FOXP1: variants seen among roughly 807,000 people sequenced by gnomAD.
The protein encoded by FOXP1 is forkhead box protein P1.
FOXP1 carries 15 observed loss-of-function variants against 98.2 expected under a neutral mutation model. The ratio of observed to expected loss-of-function variants is 0.15; its 90% CI spans 0.10 to 0.24. FOXP1 has a LOEUF of 0.24. FOXP1 is among the 10% of genes least tolerant of loss of function. The pLI, the probability that FOXP1 is intolerant of heterozygous loss-of-function variation, is 1.00. For synonymous variants in FOXP1, 371 were observed against 314.5 expected (o/e 1.18, Z -1.90); for missense variants, 633 against 848.5 (o/e 0.75, Z 3.15).
At chr3:71,333,274 G>C (rs1453833293) in intron 4 of FOXP1, 1 of 152,128 alleles carries the variant, frequency 6.6e-6, no homozygotes, top group African/African-American at 2.4e-5. Context: ...CCAAAAGAGA[G>C]AGAGCTCTAA....
chr3:71,192,607 G>A (rs1009585211), intron 6 of FOXP1, among the ~76,000 whole-genome samples: 1 of 152,318 alleles, frequency 6.6e-6, no homozygotes, highest in Admixed American at 6.5e-5. Context: ...GATGGATTTT[G>A]CCATTTTGAA....
At chr3:71,157,110 T>G (rs1239367981) in intron 6 of FOXP1, among the ~76,000 whole-genome samples, 1 of 152,200 alleles carries the variant, frequency 6.6e-6, no homozygotes, top group Non-Finnish European at 1.5e-5. Context: ...TCAGGTTAAT[T>G]AAATCAAGTG....
intron 5 of FOXP1, among the ~76,000 whole-genome samples, chr3:71,289,018 TC>T (rs2072469841): frequency 9.4e-6 from 1 of 105,934 alleles, no homozygotes; most frequent in African/African-American, 3.2e-5. Flanking sequence ...ACAACTCTCT[TC>T]TTATTTATTT....
intron 4 of FOXP1, among the ~76,000 whole-genome samples, chr3:71,320,783 C>A (rs62247704): frequency 2.6e-5 from 4 of 152,188 alleles, no homozygotes; most frequent in Non-Finnish European, 5.9e-5. Context: ...ATAAAATCAG[C>A]TCTTCTCCAT....
intron 3 of FOXP1, among the ~76,000 whole-genome samples, chr3:71,401,778 A>C (rs1173417018): frequency 6.6e-6 from 1 of 152,220 alleles, no homozygotes; most frequent in African/African-American, 2.4e-5. Flanking sequence ...CTCCCCATTC[A>C]ATCAATGAAG....
intron 12 of FOXP1, among the ~76,000 whole-genome samples, chr3:71,008,729 G>A (rs1360672088): frequency 1.3e-5 from 2 of 152,084 alleles, no homozygotes; most frequent in Non-Finnish European, 2.9e-5. Flanking sequence ...TATTTGTACA[G>A]TATTTATCTT....
At chr3:71,032,958 G>A (rs1010600911) in intron 11 of FOXP1, among the ~76,000 whole-genome samples, 3 of 152,144 alleles carry the variant, frequency 2.0e-5, no homozygotes, top group Non-Finnish European at 4.4e-5. Context: ...AATTTAAGTG[G>A]TGAAGGTGTG....
At chr3:70,972,343 A>C in intron 18 of FOXP1, 2 of 873,732 alleles carry the variant, frequency 2.3e-6, no homozygotes, top group Non-Finnish European at 3.6e-6. Context: ...CCTAAAAGCT[A>C]CTAGCATGTG....
chr3:71,254,357 C>T (rs1241046215), intron 5 of FOXP1, among the ~76,000 whole-genome samples: 2 of 152,094 alleles, frequency 1.3e-5, no homozygotes, highest in Non-Finnish European at 2.9e-5. Flanking sequence ...AATAAATAAC[C>T]TATTAAGAGT....
chr3:71,328,989 A>AAAAAAAAAG lies in FOXP1; in HGVS notation c.-72-29110_-72-29109insCTTTTTTTT, dbSNP rs769148999. ...TCCATCTCGCTAAAAAAAAAAAAAA[A>AAAAAAAAAG]CAAAAAAAAAAAAACTGACAGTTTC... On this transcript the variant is annotated intron_variant, in intron 4 of 20. Coordinates refer to ENST00000649528, the MANE Select transcript of FOXP1 (RefSeq NM_001349338.3). 5.6e-5 allele frequency among the ~76,000 whole-genome samples: 2 copies of AAAAAAAAAG among 35,746 alleles called. 1 individual carries two copies. Among genetic ancestry groups the AAAAAAAAAG allele is most frequent in the African/African-American group, 9.5e-5 (2 of 20,970 alleles). The allele number at this position is 35,746 out of a possible 152,430, so 23.5% of individuals were successfully genotyped here.
chr3:71,582,451 G>A (rs1158105822), intron 1 of FOXP1: 2 of 985,252 alleles, frequency 2.0e-6, no homozygotes, highest in Admixed American at 6.1e-5. Context: ...CGTCTCGGCG[G>A]GACAGGAATA....
At chr3:71,152,999 C>T (rs2060646774) in intron 6 of FOXP1, among the ~76,000 whole-genome samples, 1 of 152,210 alleles carries the variant, frequency 6.6e-6, no homozygotes, top group Non-Finnish European at 1.5e-5. Context: ...GGCAGGCACT[C>T]CCAAGTCACC....
At chr3:71,054,233 C>T (rs192173403) in intron 7 of FOXP1, among the ~76,000 whole-genome samples, 4 of 152,326 alleles carry the variant, frequency 2.6e-5, no homozygotes, top group Admixed American at 1.3e-4. Context: ...CCAATCAATG[C>T]TTATACTTGC....
chr3:71,084,683 G>A (rs1239991063), intron 7 of FOXP1, among the ~76,000 whole-genome samples: 1 of 152,148 alleles, frequency 6.6e-6, no homozygotes, highest in Non-Finnish European at 1.5e-5. Context: ...CCCTTGCATA[G>A]TTAACACTAT....
chr3:71,406,405 G>GTGTATATATATATATATATA lies in FOXP1; in HGVS notation c.-167-47162_-167-47161insTATATATATATATATATACA, dbSNP rs1347753258. On this transcript the variant is annotated intron_variant, in intron 3 of 20. Coordinates refer to ENST00000649528, the MANE Select transcript of FOXP1 (RefSeq NM_001349338.3). ...TAATTGACACATAATAACTGTATGT[G>GTGTATATATATATATATATA]TATATATATATATATATATGGTACA... Among the ~76,000 whole-genome samples, 20 of 106,000 alleles carry GTGTATATATATATATATATA rather than the reference G, an allele frequency of 1.9e-4. 1 individual carries two copies. Among genetic ancestry groups the GTGTATATATATATATATATA allele is most frequent in the South Asian group, 1.6e-3 (6 of 3,712 alleles). The allele number at this position is 106,000 out of a possible 152,430, so 69.5% of individuals were successfully genotyped here. A position where few individuals can be genotyped will look rare whatever the true frequency, so the allele number is the denominator to read the frequency against.
intron 2 of FOXP1, among the ~76,000 whole-genome samples, chr3:71,527,730 G>A (rs982216611): frequency 6.6e-6 from 1 of 152,058 alleles, no homozygotes; most frequent in African/African-American, 2.4e-5. Context: ...AAAAAACAAA[G>A]AGAAAAAAAA....
intron 6 of FOXP1, among the ~76,000 whole-genome samples, chr3:71,185,767 C>G (rs1185335946): frequency 1.3e-5 from 2 of 152,212 alleles, no homozygotes; most frequent in African/African-American, 4.8e-5. Flanking sequence ...TTTAAAATCT[C>G]TAAGTCAGAA....
chr3:71,375,820 C>T (rs1290619518), intron 3 of FOXP1, among the ~76,000 whole-genome samples: 1 of 152,156 alleles, frequency 6.6e-6, no homozygotes. Flanking sequence ...TAGAAGGAAA[C>T]GGACTTGGTA....
chr3:71,211,483 G>C (rs927104648), intron 5 of FOXP1, among the ~76,000 whole-genome samples: 1 of 152,104 alleles, frequency 6.6e-6, no homozygotes, highest in Admixed American at 6.5e-5. Flanking sequence ...TGGAATTACA[G>C]GTATAAGCCA....
Sources: allele counts gnomAD v4.1 joint callset (sites outside exome capture counted in the v4.1 genomes callset), GRCh38; gene constraint gnomAD v4.1.1; transcripts MANE v1.5; gene names NCBI Gene and HGNC (gene_info 2026-07-23, HGNC 2026-07-21).